Variants in FUT9 observed in about 807,000 individuals in gnomAD.
FUT9 encodes the protein 4-galactosyl-N-acetylglucosaminide 3-alpha-L-fucosyltransferase 9.
FUT9 carries 15 observed loss-of-function variants against 29.7 expected under a neutral mutation model. The observed-to-expected ratio is 0.51, with a 90% CI of 0.34 to 0.78. The LOEUF is 0.78. Ranked by LOEUF, FUT9 falls within the 30% of genes least tolerant of loss-of-function variation. The pLI, the probability that FUT9 is intolerant of heterozygous loss-of-function variation, is 0.01. For synonymous variants in FUT9, 169 were observed against 153.7 expected, an observed-to-expected ratio of 1.10 and a Z score of -0.74; for missense variants, 319 against 425.4, an observed-to-expected ratio of 0.75 and a Z score of 2.20.
chr6:96,147,330 T>G (rs985244531), intron 2 of FUT9, among the ~76,000 whole-genome samples: 20 of 151,922 alleles, frequency 1.3e-4, no homozygotes, highest in African/African-American at 4.8e-4. Context: ...CCGGCTAATT[T>G]TTGCATTTTT....
chr6:96,157,167 C>T (rs942503779), intron 2 of FUT9, among the ~76,000 whole-genome samples: 2 of 152,140 alleles, frequency 1.3e-5, no homozygotes, highest in Non-Finnish European at 2.9e-5. Flanking sequence ...TCTAGGATTT[C>T]TTCTTATATT....
chr6:96,074,901 T>C (rs1236688139), intron 1 of FUT9, among the ~76,000 whole-genome samples: 2 of 152,010 alleles, frequency 1.3e-5, no homozygotes, highest in East Asian at 1.9e-4. Flanking sequence ...CTCAGCCTCC[T>C]GAGTAGCAAG....
chr6:96,022,826 G>C (rs751102594), intron 1 of FUT9, among the ~76,000 whole-genome samples: 6 of 151,848 alleles, frequency 4.0e-5, no homozygotes, highest in Admixed American at 1.3e-4. Flanking sequence ...CAAGAGCCCA[G>C]TAGCAAGCTA....
rs1773980174 is a variant in FUT9 at position 96,213,579 on chromosome 6, G to A, written c.*9344G>A. On this transcript the variant is annotated 3_prime_UTR_variant, in exon 3 of 3. Coordinates refer to ENST00000302103, the MANE Select transcript of FUT9 (RefSeq NM_006581.4). ...TATAGGTTCGTGTTATTTCTGATAA[G>A]AATTTAATTGCATTGTGCTAATAGT... The A allele has an allele frequency of 6.0e-6, 1 of 166,770 alleles. No individual in the cohort carries two copies. Among genetic ancestry groups the A allele is most frequent in the Admixed American group, 6.6e-5 (1 of 15,234 alleles). 10.3% of individuals were successfully genotyped at this position (166,770 alleles called of 1,614,324 possible). A position where few individuals can be genotyped will look rare whatever the true frequency, so the allele number is the denominator to read the frequency against.
chr6:96,215,395 A>G lies in FUT9; in HGVS notation c.*11160A>G, dbSNP rs1774018306. ...ATTAATAGTGATTTCAGCAATATGT[A>G]CTAAGATTCCAAGGCAGAAATAAAT... On this transcript the variant is annotated 3_prime_UTR_variant, in exon 3 of 3. Transcript: ENST00000302103. The G allele has an allele frequency of 6.0e-6, 1 of 166,896 alleles. No homozygotes were observed. Among genetic ancestry groups the G allele is most frequent in the Non-Finnish European group, 1.5e-5 (1 of 68,098 alleles). 10.3% of individuals were successfully genotyped at this position (166,896 alleles called of 1,614,324 possible).
intron 1 of FUT9, among the ~76,000 whole-genome samples, chr6:96,099,808 G>A (rs562772995): frequency 6.6e-6 from 1 of 152,188 alleles, no homozygotes; most frequent in Non-Finnish European, 1.5e-5. Flanking sequence ...CTGCACAGAG[G>A]TTGAGTAATT....
In FUT9 at chr6:96,207,984, AATC is replaced by A. The variant is rs1456920719; in HGVS notation, c.*3753_*3755del. 1.2e-5 allele frequency: 2 copies of A among 166,866 alleles called. No individual in the cohort carries two copies. The highest frequency in any genetic ancestry group is 1.3e-4 in the Admixed American group (2 of 15,258). The allele number at this position is 166,866 out of a possible 1,614,324, so 10.3% of individuals were successfully genotyped here. A position where few individuals can be genotyped will look rare whatever the true frequency, so the allele number is the denominator to read the frequency against. The stretch of plus-strand genomic sequence containing the variant: ...ATATGAAGTAGAAACTGAAAAAAAA[AATC>A]ATCTTAGTGGGAAACAAATACATGC... On this transcript the variant is annotated 3_prime_UTR_variant, in exon 3 of 3. Transcript: ENST00000302103.
intron 1 of FUT9, among the ~76,000 whole-genome samples, chr6:96,032,522 T>C (rs1257784692): frequency 6.6e-6 from 1 of 151,602 alleles, no homozygotes; most frequent in Admixed American, 6.6e-5. Context: ...ATATTAAATA[T>C]CTGAGTAACT....
chr6:96,175,733 T>C (rs772435694), intron 2 of FUT9, among the ~76,000 whole-genome samples: 2 of 152,206 alleles, frequency 1.3e-5, no homozygotes, highest in Non-Finnish European at 2.9e-5. Flanking sequence ...GCAAACTTTC[T>C]ATAGGGGGCC....
At chr6:96,094,263 A>C (rs894668815) in intron 1 of FUT9, among the ~76,000 whole-genome samples, 1 of 152,076 alleles carries the variant, frequency 6.6e-6, no homozygotes, top group Non-Finnish European at 1.5e-5. Context: ...TGTCTAGTGT[A>C]TTCATGCTGT....
chr6:96,072,045 T>C (rs892714668), intron 1 of FUT9, among the ~76,000 whole-genome samples: 2 of 152,204 alleles, frequency 1.3e-5, no homozygotes, highest in African/African-American at 4.8e-5. Flanking sequence ...ATACATTCTA[T>C]AGGCTGGGTT....
rs376563830 is a variant in FUT9, at chr6:96,101,575, AT to A, written c.-97-12460del. Among the ~76,000 whole-genome samples the A allele has an allele frequency of 3.1e-3, 474 of 152,000 alleles. 3 individuals carry two copies. Among genetic ancestry groups the A allele is most frequent in the Middle Eastern group, 0.014 (4 of 292 alleles). ...AAAAAAAAAGAACATAAAAATGTAC[AT>A]TTTACCCTCATGTTCAATTATTTCA... On this transcript the variant is annotated intron_variant, in intron 1 of 2. Transcript: ENST00000302103.
intron 2 of FUT9, among the ~76,000 whole-genome samples, chr6:96,118,204 CAAAAAA>C (rs71012538): frequency 2.2e-4 from 30 of 136,772 alleles, no homozygotes; most frequent in South Asian, 2.4e-4. Flanking sequence ...GAGTCTGTCT[CAAAAAA>C]AAAAAAAAAA....
At chr6:96,109,878 G>C (rs1047089947) in intron 1 of FUT9, among the ~76,000 whole-genome samples, 1 of 152,088 alleles carries the variant, frequency 6.6e-6, no homozygotes, top group Admixed American at 6.6e-5. Flanking sequence ...CTGCTGCCTG[G>C]CTGTCTTACC....
At position 96,213,720 on chromosome 6, in the gene FUT9, A is replaced by G. The variant is rs532915955; in HGVS notation, c.*9485A>G. 4.2e-5 allele frequency: 7 copies of G among 166,876 alleles called. No homozygotes were observed. Among genetic ancestry groups the G allele is most frequent in the Non-Finnish European group, 7.3e-5 (5 of 68,028 alleles). The allele number at this position is 166,876 out of a possible 1,614,324, so 10.3% of individuals were successfully genotyped here. On this transcript the variant is annotated 3_prime_UTR_variant, in exon 3 of 3. Transcript: ENST00000302103. ...TTATAGATAAAATCACATGTTGATC[A>G]GAAATCATTTTTCTACTTATTTTTT...
rs575608140 is a variant in FUT9, at chr6:96,206,457, C to T, written c.*2222C>T. 1.8e-5 allele frequency: 3 copies of T among 166,772 alleles called. No homozygotes were observed. The East Asian group carries it at 5.8e-4, about 32-fold the overall frequency. 10.3% of individuals were successfully genotyped at this position (166,772 alleles called of 1,614,324 possible). A position where few individuals can be genotyped will look rare whatever the true frequency, so the allele number is the denominator to read the frequency against. The stretch of plus-strand genomic sequence containing the variant: ...TGCTAACAAGTTTAGAAAGCACCTG[C>T]TTTTTTTTATTATTATTATTTTTGT... On this transcript the variant is annotated 3_prime_UTR_variant, in exon 3 of 3. Coordinates refer to ENST00000302103, the MANE Select transcript of FUT9 (RefSeq NM_006581.4).
intron 2 of FUT9, among the ~76,000 whole-genome samples, chr6:96,198,698 C>G (rs1291879920): frequency 6.6e-5 from 10 of 152,318 alleles, no homozygotes; most frequent in Middle Eastern, 3.4e-3. Context: ...GCCACACTGA[C>G]TTCCACAATG....
chr6:96,157,122 G>A (rs1363691033), intron 2 of FUT9, among the ~76,000 whole-genome samples: 1 of 152,176 alleles, frequency 6.6e-6, no homozygotes, highest in Non-Finnish European at 1.5e-5. Context: ...ATGAAACTAT[G>A]ACTGGCTAAA....
At chr6:96,086,583 A>G (rs1440086923) in intron 1 of FUT9, among the ~76,000 whole-genome samples, 1 of 152,152 alleles carries the variant, frequency 6.6e-6, no homozygotes, top group Non-Finnish European at 1.5e-5. Context: ...ATATTCTCCT[A>G]TATTTTCTTC....
Sources: gnomAD v4.1 joint callset for allele counts (sites outside exome capture counted in the v4.1 genomes callset) on GRCh38, gnomAD v4.1.1 for gene constraint, MANE v1.5 for transcripts, NCBI Gene and HGNC (gene_info 2026-07-23, HGNC 2026-07-21) for gene names.